SHPRH: variants seen among roughly 807,000 people sequenced by gnomAD.
SHPRH encodes E3 ubiquitin-protein ligase SHPRH.
In SHPRH, 106 loss-of-function variants were observed where a neutral mutation model predicts 202.5. The ratio of observed to expected loss-of-function variants is 0.52; its 90% CI spans 0.45 to 0.62. SHPRH has a LOEUF of 0.62. SHPRH is among the 20% of genes least tolerant of loss of function. SHPRH has a pLI of 0.00. For missense variants in SHPRH, 1,710 were observed against 2,020.0 expected, an observed-to-expected ratio of 0.85 and a Z score of 2.94; for synonymous variants, 729 against 686.0, an observed-to-expected ratio of 1.06 and a Z score of -0.98.
chr6:145,910,254 G>C (rs1207346254), intron 25 of SHPRH, 194 bp downstream of exon 25: 6 of 561,478 alleles, frequency 1.1e-5, no homozygotes, highest in East Asian at 2.8e-5. Flanking sequence ...GTTTGAATAA[G>C]TGTTCTGTGT....
Position 145,963,960 on chromosome 6 carries a change from C to G in SHPRH, c.-262G>C, listed in dbSNP as rs1335711575. On this transcript the variant is annotated 5_prime_UTR_variant, in exon 1 of 30. Transcript: ENST00000275233. ...CGACCCCACTTTATCCCCGGAGGGA[C>G]GTGGTGGTCCGAAGTTCGCTAGTCC... The G allele has an allele frequency of 4.6e-5, 7 of 152,350 alleles. No homozygotes were observed. Among genetic ancestry groups the G allele is most frequent in the African/African-American group, 1.4e-4 (6 of 41,456 alleles). 9.4% of individuals were successfully genotyped at this position (152,350 alleles called of 1,614,324 possible).
At chr6:145,903,598 C>T (rs1279695750) in intron 25 of SHPRH, 1 of 151,996 alleles carries the variant, frequency 6.6e-6, no homozygotes, top group Non-Finnish European at 1.5e-5. Context: ...TTGATGGTCA[C>T]ATACTTAAAA....
At position 145,886,781 on chromosome 6, in the gene SHPRH, C is replaced by T. The variant is rs371730377; in HGVS notation, c.4962G>A (p.Thr1654=). The T allele has an allele frequency of 4.3e-5, 70 of 1,612,700 alleles. No individual in the cohort carries two copies. Among genetic ancestry groups the T allele is most frequent in the East Asian group, 1.3e-4 (6 of 44,828 alleles). The part of the protein sequence containing the change: ...AMLKTAERSH[T]NSSAKHSEAS... ...CCTCTGAATGCTTTGCTGATGAGTT[C>T]GTGTGACTGCAAGGTTTCCCAAATG... is the stretch of plus-strand genomic sequence containing the variant. The change falls in exon 30 of 30, where the codon ACG becomes ACA. Residue 1654 remains threonine, a synonymous_variant. Coordinates refer to ENST00000275233, the MANE Select transcript of SHPRH (RefSeq NM_001042683.3).
intron 24 of SHPRH, among the ~76,000 whole-genome samples, chr6:145,911,805 T>C (rs569165897): frequency 2.0e-5 from 3 of 152,228 alleles, no homozygotes; most frequent in South Asian, 4.1e-4. Context: ...AACTGAGGTA[T>C]ATAAGCTTGG....
intron 25 of SHPRH, among the ~76,000 whole-genome samples, chr6:145,900,015 G>A (rs1231981287): frequency 3.3e-5 from 5 of 152,094 alleles, no homozygotes; most frequent in Non-Finnish European, 5.9e-5. Context: ...GTATTGGTGA[G>A]AAGGTGGAGA....
At position 145,963,537 on chromosome 6, in the gene SHPRH, G is replaced by C. The variant is rs562016403; in HGVS notation, c.-33+194C>G. Among the ~76,000 whole-genome samples, 3 of 152,264 alleles carry C rather than the reference G, an allele frequency of 2.0e-5. No homozygotes were observed. The South Asian group carries it at 6.2e-4, about 32-fold the overall frequency. Reference sequence around the variant, plus strand: ...TCGTTCATAAACATAGCAACTACCAGTCAAACTGTACAATGTCAAAGAGTG... The same window carrying C: ...TCGTTCATAAACATAGCAACTACCACTCAAACTGTACAATGTCAAAGAGTG... On this transcript the variant is annotated intron_variant, in intron 1 of 29. Transcript: ENST00000275233.
rs1789242979 is a variant in SHPRH at position 145,962,899 on chromosome 6, T to C, written c.-33+832A>G. On this transcript the variant is annotated intron_variant, in intron 1 of 29. Transcript: ENST00000275233. ...TCTTCTACTGAATGCTAAAATATGC[T>C]AGTTACATAAACTTTAAAAATGCCC... Among the ~76,000 whole-genome samples the C allele has an allele frequency of 2.0e-5, 3 of 152,234 alleles. No individual in the cohort carries two copies. The South Asian group carries it at 6.2e-4, about 31-fold the overall frequency.
intron 1 of SHPRH, among the ~76,000 whole-genome samples, chr6:145,960,487 G>A (rs1207013644): frequency 6.6e-6 from 1 of 152,112 alleles, no homozygotes; most frequent in Non-Finnish European, 1.5e-5. Flanking sequence ...GGTTATTGTG[G>A]AATCATTAAC....
chr6:145,900,304 C>T (rs145160896), intron 25 of SHPRH, among the ~76,000 whole-genome samples: 12 of 152,016 alleles, frequency 7.9e-5, no homozygotes, highest in South Asian at 4.2e-4. Flanking sequence ...ATATACACCA[C>T]GGAATATGTT....
At chr6:145,911,861 C>G (rs1403735997) in intron 24 of SHPRH, among the ~76,000 whole-genome samples, 1 of 152,086 alleles carries the variant, frequency 6.6e-6, no homozygotes, top group African/African-American at 2.4e-5. Context: ...ACTATTCCTA[C>G]TGTTCTCTAG....
chr6:145,880,080 CAATATT>C (rs1780493420), downstream of SHPRH, among the ~76,000 whole-genome samples: 1 of 152,020 alleles, frequency 6.6e-6, no homozygotes, highest in South Asian at 2.1e-4. Context: ...CATTTGTTGA[CAATATT>C]AATTTTCTCA....
At chr6:145,897,047 CA>C (rs1227586355) in intron 25 of SHPRH, among the ~76,000 whole-genome samples, 1 of 151,254 alleles carries the variant, frequency 6.6e-6, no homozygotes, top group African/African-American at 2.4e-5. Flanking sequence ...TAATAAAAAT[CA>C]GAGCAGAAAT....
At chr6:145,914,948 G>A (rs2128742535) in intron 23 of SHPRH, among the ~76,000 whole-genome samples, 1 of 151,928 alleles carries the variant, frequency 6.6e-6, no homozygotes. Context: ...GTAATGGTCT[G>A]TGTCAGTTGG....
chr6:145,924,732 G>C lies in SHPRH; in HGVS notation c.3402+7C>G. ...ATACAAGTAAGAAACACTGCATTTT[G>C]GCATACCTTTCTTTGAAGCTCATGG... On this transcript the variant is annotated splice_region_variant and intron_variant, in intron 17 of 29. Transcript: ENST00000275233. 6.2e-7 allele frequency: 1 copy of C among 1,609,576 alleles called. No individual in the cohort carries two copies. Among genetic ancestry groups the C allele is most frequent in the Non-Finnish European group, 8.5e-7 (1 of 1,176,920 alleles).
At chr6:145,906,215 C>A (rs774911014) in intron 25 of SHPRH, 3 of 152,064 alleles carry the variant, frequency 2.0e-5, no homozygotes, top group Non-Finnish European at 4.4e-5. Context: ...TTGAACCCTA[C>A]CCTACATTCA....
chr6:145,893,192 C>T, intron 28 of SHPRH, 23 bp downstream of exon 28: 1 of 1,480,470 alleles, frequency 6.8e-7, no homozygotes, highest in Non-Finnish European at 9.0e-7. Context: ...GCAAATGTGA[C>T]TGATTCTAAT....
chr6:145,924,496 G>C (rs1321156359), intron 17 of SHPRH, among the ~76,000 whole-genome samples: 1 of 151,880 alleles, frequency 6.6e-6, no homozygotes, highest in Non-Finnish European at 1.5e-5. Context: ...CTCATGGTAA[G>C]AGAAAACCCA....
chr6:145,884,554 G>C (rs1420277972), downstream of SHPRH: 1 of 152,054 alleles, frequency 6.6e-6, no homozygotes, highest in Admixed American at 6.6e-5. Flanking sequence ...TCTAAACACA[G>C]TAATATTTCA....
intron 21 of SHPRH, 95 bp downstream of exon 21, chr6:145,921,072 A>G (rs2128749006): frequency 1.8e-6 from 2 of 1,101,296 alleles, no homozygotes; most frequent in East Asian, 5.2e-5. Flanking sequence ...TCAAAAGAAG[A>G]TTTTAAAAAA....
Sources: gnomAD v4.1 joint callset for allele counts (sites outside exome capture counted in the v4.1 genomes callset) on GRCh38, gnomAD v4.1.1 for gene constraint, MANE v1.5 for transcripts, NCBI Gene and HGNC (gene_info 2026-07-23, HGNC 2026-07-21) for gene names.